The following IL1RL2 variants were observed in gnomAD, a reference collection of about 807,000 sequenced individuals.
IL1RL2 encodes interleukin-1 receptor-like 2.
Under a neutral mutation model 66.8 loss-of-function variants are expected in IL1RL2, and 68 were observed. That is an observed-to-expected ratio of 1.02 (90% CI 0.84 to 1.25). IL1RL2 has a LOEUF of 1.25. IL1RL2 is among the 50% of genes most tolerant of loss of function. IL1RL2 has a pLI of 0.00. For missense variants in IL1RL2, 729 were observed against 709.3 expected (o/e 1.03, Z -0.32); for synonymous variants, 305 against 264.6 (o/e 1.15, Z -1.48).
intron 4 of IL1RL2, among the ~76,000 whole-genome samples, chr2:102,194,177 T>A (rs139436269): frequency 8.5e-5 from 13 of 152,322 alleles, no homozygotes; most frequent in African/African-American, 3.1e-4. Context: ...ATTTATGCTA[T>A]CATAGATTGG....
At chr2:102,241,517 G>T (rs1675231378), downstream of IL1RL2, among the ~76,000 whole-genome samples, 1 of 152,206 alleles carries the variant, frequency 6.6e-6, no homozygotes, top group South Asian at 2.1e-4. Context: ...AAGGGCCAGA[G>T]AATATGAACA....
At chr2:102,222,373 G>A (rs745539214) in intron 8 of IL1RL2, among the ~76,000 whole-genome samples, 2 of 152,150 alleles carry the variant, frequency 1.3e-5, no homozygotes, top group South Asian at 4.1e-4. Context: ...CCCATGTAGA[G>A]GCATCCCTCC....
At chr2:102,238,626 C>T (rs1409076816) in intron 11 of IL1RL2, among the ~76,000 whole-genome samples, 3 of 152,160 alleles carry the variant, frequency 2.0e-5, no homozygotes, top group African/African-American at 7.2e-5. Flanking sequence ...TGGTATTGAT[C>T]TGGGGCTGTG....
intron 4 of IL1RL2, among the ~76,000 whole-genome samples, chr2:102,194,271 C>G (rs1687475098): frequency 6.6e-6 from 1 of 152,168 alleles, no homozygotes; most frequent in Non-Finnish European, 1.5e-5. Context: ...AATAGCAAAA[C>G]AGTGGGAATC....
At chr2:102,234,553 A>G (rs1674675791) in intron 10 of IL1RL2, among the ~76,000 whole-genome samples, 7 of 152,186 alleles carry the variant, frequency 4.6e-5, no homozygotes, top group Admixed American at 4.6e-4. Context: ...CAGCACCTTG[A>G]GAGGCCGAGG....
At chr2:102,213,752 C>G (rs1039494859) in intron 6 of IL1RL2, among the ~76,000 whole-genome samples, 1 of 152,002 alleles carries the variant, frequency 6.6e-6, no homozygotes, top group African/African-American at 2.4e-5. Flanking sequence ...CCATTTGACT[C>G]TATAAAAGGA....
At chr2:102,206,109 C>T (rs1170956799) in intron 5 of IL1RL2, among the ~76,000 whole-genome samples, 1 of 151,982 alleles carries the variant, frequency 6.6e-6, no homozygotes, top group Non-Finnish European at 1.5e-5. Context: ...TTTCAATCTC[C>T]TTGTTAAATT....
chr2:102,196,641 T>A (rs1047260648), intron 4 of IL1RL2, among the ~76,000 whole-genome samples: 1 of 152,202 alleles, frequency 6.6e-6, no homozygotes, highest in Non-Finnish European at 1.5e-5. Context: ...ACCCTGGGAA[T>A]GTCCATGGCT....
chr2:102,195,353 C>T (rs1687575757), intron 4 of IL1RL2, among the ~76,000 whole-genome samples: 1 of 151,966 alleles, frequency 6.6e-6, no homozygotes, highest in South Asian at 2.1e-4. Context: ...CCTATATTTT[C>T]TTCTTGAAGT....
At chr2:102,194,597 T>C (rs1402859503) in intron 4 of IL1RL2, among the ~76,000 whole-genome samples, 2 of 152,230 alleles carry the variant, frequency 1.3e-5, no homozygotes, top group Non-Finnish European at 1.5e-5. Context: ...GTCTTTTTAA[T>C]TTTTGCTATT....
chr2:102,218,857 A>G lies in IL1RL2; in HGVS notation c.725-96A>G, dbSNP rs889709098. The G allele has an allele frequency of 1.9e-5, 20 of 1,055,244 alleles. No individual in the cohort carries two copies. In the East Asian group the frequency reaches 5.0e-4, roughly 26 times the overall value. The allele number at this position is 1,055,244 out of a possible 1,614,324, so 65.4% of individuals were successfully genotyped here. Reference sequence around the variant, plus strand: ...ATTTCTGGTAATCAAAAGGTATTCGAGGCTCGAGAGTACGATGCACTTGTA... The same window carrying G: ...ATTTCTGGTAATCAAAAGGTATTCGGGGCTCGAGAGTACGATGCACTTGTA... On this transcript the variant is annotated intron_variant, in intron 6 of 11. Transcript: ENST00000264257.
At chr2:102,213,286 T>C (rs1689335991) in intron 6 of IL1RL2, among the ~76,000 whole-genome samples, 1 of 152,104 alleles carries the variant, frequency 6.6e-6, no homozygotes, top group South Asian at 2.1e-4. Flanking sequence ...CTCAGAAACA[T>C]CTATGAAAAA....
rs1228955432 is a variant in IL1RL2, at chr2:102,195,601, CTT to C, written c.489+3483_489+3484del. Among the ~76,000 whole-genome samples the C allele has an allele frequency of 3.4e-4, 6 of 17,422 alleles. 1 individual carries two copies. The highest frequency in any genetic ancestry group is 6.6e-4 in the Non-Finnish European group (5 of 7,602). 11.4% of individuals were successfully genotyped at this position (17,422 alleles called of 152,430 possible). A position where few individuals can be genotyped will look rare whatever the true frequency, so the allele number is the denominator to read the frequency against. ...TCTTTCTTTCTTTCTTTCTTTCTTTCTTTCTTTCTTTCTTTCTTTCTTTCTTT... is the reference window on the plus strand; with the variant it reads ...TCTTTCTTTCTTTCTTTCTTTCTTTCTCTTTCTTTCTTTCTTTCTTTCTTT... On this transcript the variant is annotated intron_variant, in intron 4 of 11. Transcript: ENST00000264257.
At chr2:102,195,645 CTCTT>C (rs1219065291) in intron 4 of IL1RL2, among the ~76,000 whole-genome samples, 807 of 20,164 alleles carry the variant, frequency 0.04, 45 homozygotes, top group South Asian at 0.094. Flanking sequence ...CTCTCTCTCT[CTCTT>C]TCTTTCTTTC....
rs79034895 is a variant in IL1RL2, at chr2:102,210,469, A to C, written c.650-1631A>C. 2.2e-4 allele frequency among the ~76,000 whole-genome samples: 34 copies of C among 152,336 alleles called. 1 individual carries two copies. The East Asian group carries it at 6.6e-3, about 29-fold the overall frequency. The stretch of plus-strand genomic sequence containing the variant: ...ACAGCAGACTGGCCGCTGTGCACAG[A>C]ATGATCCATTCCAGGGTGGATCAGA... On this transcript the variant is annotated intron_variant, in intron 5 of 11. Transcript: ENST00000264257.
intron 4 of IL1RL2, among the ~76,000 whole-genome samples, chr2:102,193,475 C>T (rs780469976): frequency 5.9e-5 from 9 of 152,134 alleles, no homozygotes; most frequent in Non-Finnish European, 1.2e-4. Flanking sequence ...GTGATCATGG[C>T]TCACTGCAGC....
chr2:102,215,218 T>G (rs1689502534), intron 6 of IL1RL2, among the ~76,000 whole-genome samples: 2 of 152,314 alleles, frequency 1.3e-5, no homozygotes, highest in Non-Finnish European at 2.9e-5. Flanking sequence ...TGCAGGAAAC[T>G]ACATTGTGCA....
At chr2:102,210,591 G>C (rs1326032554) in intron 5 of IL1RL2, among the ~76,000 whole-genome samples, 2 of 152,154 alleles carry the variant, frequency 1.3e-5, no homozygotes, top group Non-Finnish European at 2.9e-5. Flanking sequence ...CACCTTAAGA[G>C]GTAAAACCCA....
At chr2:102,222,673 C>T (rs931947124) in intron 8 of IL1RL2, among the ~76,000 whole-genome samples, 1 of 152,068 alleles carries the variant, frequency 6.6e-6, no homozygotes, top group Non-Finnish European at 1.5e-5. Context: ...CAGAAATGTG[C>T]GGTAGGTCAG....
Sources: allele counts gnomAD v4.1 joint callset (sites outside exome capture counted in the v4.1 genomes callset), GRCh38; gene constraint gnomAD v4.1.1; transcripts MANE v1.5; gene names NCBI Gene and HGNC (gene_info 2026-07-23, HGNC 2026-07-21).